The following KCNG3 variants were observed in gnomAD, a reference collection of about 807,000 sequenced individuals.
KCNG3 encodes the protein voltage-gated potassium channel regulatory subunit KCNG3.
A neutral mutation model predicts 29.0 loss-of-function variants in KCNG3; 15 were observed. That is an observed-to-expected ratio of 0.52 (90% CI 0.35 to 0.80). KCNG3 has a LOEUF of 0.80. KCNG3 is among the 30% of genes least tolerant of loss of function. KCNG3 has a pLI of 0.01. For synonymous variants in KCNG3, 322 were observed against 248.9 expected, an observed-to-expected ratio of 1.29 and a Z score of -2.76; for missense variants, 512 against 605.7, an observed-to-expected ratio of 0.85 and a Z score of 1.62.
chr2:42,457,627 T>TCACACACA (rs56251665), intron 1 of KCNG3, among the ~76,000 whole-genome samples: 17,070 of 125,290 alleles, frequency 0.14, 1,546 homozygotes, highest in Admixed American at 0.25. Flanking sequence ...CAGGCAGATC[T>TCACACACA]CACACACACA....
Position 42,443,601 on chromosome 2 carries a change from A to G in KCNG3, c.*333T>C, listed in dbSNP as rs1302157572. 2 of 191,138 alleles carry G rather than the reference A, an allele frequency of 1.0e-5. No individual in the cohort carries two copies. The highest frequency in any genetic ancestry group is 2.1e-5 in the Non-Finnish European group (2 of 94,222). The allele number at this position is 191,138 out of a possible 1,614,324, so 11.8% of individuals were successfully genotyped here. A position where few individuals can be genotyped will look rare whatever the true frequency, so the allele number is the denominator to read the frequency against. ...GCTTCTTCTGAATTCATAAGATGGA[A>G]AAACATTTGGAAAATAGTACCTTTC... On this transcript the variant is annotated 3_prime_UTR_variant, in exon 2 of 2. Transcript: ENST00000306078.
the KCNG3 span, among the ~76,000 whole-genome samples, chr2:42,435,578 A>T: frequency 1.3e-5 from 2 of 152,218 alleles, no homozygotes; most frequent in Non-Finnish European, 2.9e-5. Context: ...CAACTTTTTT[A>T]AAAAACCTAT....
intron 1 of KCNG3, among the ~76,000 whole-genome samples, chr2:42,472,013 A>G (rs1673302267): frequency 6.6e-6 from 1 of 152,210 alleles, no homozygotes; most frequent in East Asian, 1.9e-4. Flanking sequence ...CAGGACTTCT[A>G]TTCACTACTG....
intron 1 of KCNG3, among the ~76,000 whole-genome samples, chr2:42,485,074 T>C (rs1014848304): frequency 3.3e-5 from 5 of 152,342 alleles, no homozygotes; most frequent in East Asian, 1.9e-4. Context: ...AATAATATAA[T>C]TGAAATTTAA....
At chr2:42,417,018 G>A in the KCNG3 span, among the ~76,000 whole-genome samples, 3 of 152,220 alleles carry the variant, frequency 2.0e-5, no homozygotes, top group South Asian at 2.1e-4. Context: ...GGAGGCTGAG[G>A]TGGGTGGATC....
chr2:42,468,954 C>CA (rs61287684), intron 1 of KCNG3, among the ~76,000 whole-genome samples: 754 of 57,116 alleles, frequency 0.013, 42 homozygotes, highest in African/African-American at 0.041. Context: ...ACTCCGTCTC[C>CA]AAAAAAAAAA....
intron 1 of KCNG3, among the ~76,000 whole-genome samples, chr2:42,450,103 C>A (rs564338441): frequency 6.6e-6 from 1 of 152,218 alleles, no homozygotes; most frequent in African/African-American, 2.4e-5. Context: ...GTCAATTGTG[C>A]CAAAAATACC....
chr2:42,473,540 T>A (rs549190403), intron 1 of KCNG3, among the ~76,000 whole-genome samples: 53 of 151,650 alleles, frequency 3.5e-4, no homozygotes, highest in Admixed American at 5.9e-4. Flanking sequence ...AGTAGAGATA[T>A]GTTTTCACCA....
chr2:42,441,290 G>T (rs1003007774), downstream of KCNG3, among the ~76,000 whole-genome samples: 1 of 151,528 alleles, frequency 6.6e-6, no homozygotes, highest in East Asian at 1.9e-4. Flanking sequence ...TGGGAGGCTG[G>T]GGTGGGAGGA....
chr2:42,448,653 T>C (rs1000335608), intron 1 of KCNG3, among the ~76,000 whole-genome samples: 11 of 152,154 alleles, frequency 7.2e-5, no homozygotes, highest in Non-Finnish European at 1.6e-4. Flanking sequence ...GCAGTTTGTT[T>C]TTCAACCAAA....
the KCNG3 span, among the ~76,000 whole-genome samples, chr2:42,426,004 A>G: frequency 1.3e-5 from 2 of 152,228 alleles, no homozygotes; most frequent in Non-Finnish European, 2.9e-5. Flanking sequence ...AAATTCATTA[A>G]CTATTCAAAT....
chr2:42,407,177 C>CTTTTTTTTTTTTT, the KCNG3 span, among the ~76,000 whole-genome samples: 37 of 133,150 alleles, frequency 2.8e-4, no homozygotes, highest in African/African-American at 1.0e-3. Flanking sequence ...TCTGCTTGAT[C>CTTTTTTTTTTTTT]TTTTTTTTTT....
the KCNG3 span, among the ~76,000 whole-genome samples, chr2:42,434,665 T>TCAA: frequency 3.5e-5 from 1 of 28,976 alleles, no homozygotes; most frequent in African/African-American, 1.7e-4. Context: ...AAACTCCATC[T>TCAA]CAAAAAAAAA....
intron 1 of KCNG3, among the ~76,000 whole-genome samples, chr2:42,447,318 G>A (rs1351551556): frequency 6.6e-6 from 1 of 151,514 alleles, no homozygotes; most frequent in Non-Finnish European, 1.5e-5. Flanking sequence ...ATATATGTAT[G>A]TATCTCCTTT....
the KCNG3 span, among the ~76,000 whole-genome samples, chr2:42,410,078 C>T: frequency 0.036 from 5,422 of 152,184 alleles, 135 homozygotes; most frequent in Middle Eastern, 0.078. Context: ...CTGATGTGTA[C>T]GTAGCTTTCT....
At chr2:42,456,115 T>C (rs1672869067) in intron 1 of KCNG3, among the ~76,000 whole-genome samples, 1 of 152,006 alleles carries the variant, frequency 6.6e-6, no homozygotes, top group Non-Finnish European at 1.5e-5. Context: ...AGATAAAACT[T>C]AACAGTTTTG....
the KCNG3 span, among the ~76,000 whole-genome samples, chr2:42,398,563 T>A: frequency 1.3e-5 from 2 of 152,104 alleles, no homozygotes; most frequent in East Asian, 1.9e-4. Flanking sequence ...CAGAAACCAA[T>A]CTTTTGTTAT....
chr2:42,396,256 T>C, the KCNG3 span, among the ~76,000 whole-genome samples: 196 of 152,336 alleles, frequency 1.3e-3, no homozygotes, highest in Non-Finnish European at 2.1e-3. Context: ...CCAGGGACCA[T>C]CTGTATTTAT....
At chr2:42,450,736 C>G (rs769487802) in intron 1 of KCNG3, among the ~76,000 whole-genome samples, 7 of 152,092 alleles carry the variant, frequency 4.6e-5, no homozygotes, top group Non-Finnish European at 1.0e-4. Context: ...ATGTATTTCC[C>G]CTAGTATCTC....
Sources: allele counts gnomAD v4.1 joint callset (sites outside exome capture counted in the v4.1 genomes callset), GRCh38; gene constraint gnomAD v4.1.1; transcripts MANE v1.5; gene names NCBI Gene and HGNC (gene_info 2026-07-23, HGNC 2026-07-21).